The following IGF2R variants were observed in gnomAD, a reference collection of about 807,000 sequenced individuals.
IGF2R encodes the protein cation-independent mannose-6-phosphate receptor.
Under a neutral mutation model 270.6 loss-of-function variants are expected in IGF2R, and 91 were observed. The ratio of observed to expected loss-of-function variants is 0.34; its 90% CI spans 0.28 to 0.40. IGF2R has a LOEUF of 0.40. Ranked by LOEUF, IGF2R falls within the 10% of genes least tolerant of loss-of-function variation. The pLI is 1.00. For missense variants in IGF2R, 2,805 were observed against 3,188.3 expected (o/e 0.88, Z 2.90); for synonymous variants, 1,316 against 1,258.9 (o/e 1.05, Z -0.96).
chr6:159,980,413 T>C (rs1205053311), intron 1 of IGF2R, among the ~76,000 whole-genome samples: 1 of 152,132 alleles, frequency 6.6e-6, no homozygotes, highest in Non-Finnish European at 1.5e-5. Flanking sequence ...GCTTGGCCAC[T>C]TTGTGAATTT....
At chr6:160,043,078 C>A in intron 11 of IGF2R, 70 bp from the exon 12 acceptor site, 1 of 1,534,696 alleles carries the variant, frequency 6.5e-7, no homozygotes, top group Non-Finnish European at 8.9e-7. Context: ...TTGGCTTAAT[C>A]ACTATTTATT....
intron 6 of IGF2R, among the ~76,000 whole-genome samples, 186 bp downstream of exon 6, chr6:160,027,500 T>G (rs947254292): frequency 5.9e-5 from 9 of 152,270 alleles, no homozygotes; most frequent in Admixed American, 5.2e-4. Flanking sequence ...GCTTGTCTAC[T>G]TTTTAATCAT....
rs778575882 is a variant in IGF2R at position 160,047,745 on chromosome 6, G to A, written c.2230-47G>A. The stretch of plus-strand genomic sequence containing the variant: ...TTTTTGAATCCTGGTTTTATGTCAC[G>A]TGTCTTTCTCTTTTTGCCATCCCTC... On this transcript the variant is annotated intron_variant, in intron 16 of 47. Coordinates refer to ENST00000356956, the MANE Select transcript of IGF2R (RefSeq NM_000876.4). 2.9e-5 allele frequency: 33 copies of A among 1,139,020 alleles called. No individual in the cohort carries two copies. In the Middle Eastern group the frequency reaches 1.5e-3, roughly 53 times the overall value. 70.6% of individuals were successfully genotyped at this position (1,139,020 alleles called of 1,614,324 possible).
intron 1 of IGF2R, among the ~76,000 whole-genome samples, chr6:159,988,663 C>T (rs1399465114): frequency 4.6e-5 from 7 of 152,046 alleles, no homozygotes; most frequent in African/African-American, 1.7e-4. Flanking sequence ...TTTAATGATG[C>T]CACTGCCGCT....
At chr6:160,038,863 A>G (rs1399580102) in intron 10 of IGF2R, among the ~76,000 whole-genome samples, 1 of 151,788 alleles carries the variant, frequency 6.6e-6, no homozygotes, top group Admixed American at 6.6e-5. Context: ...AATAGAAAAA[A>G]CCCCACAGTA....
At chr6:160,031,290 T>C (rs1583269956) in intron 7 of IGF2R, among the ~76,000 whole-genome samples, 1 of 152,234 alleles carries the variant, frequency 6.6e-6, no homozygotes, top group African/African-American at 2.4e-5. Flanking sequence ...CACCTTGTCA[T>C]ATAGATCATT....
At position 160,043,253 on chromosome 6, in the gene IGF2R, G is replaced by A. The variant is rs6413489; in HGVS notation, c.1586G>A (p.Arg529Gln). The A allele has an allele frequency of 4.5e-5, 72 of 1,614,122 alleles. No individual in the cohort carries two copies. Among genetic ancestry groups the A allele is most frequent in the Admixed American group, 1.3e-4 (8 of 60,014 alleles). The stretch of plus-strand genomic sequence containing the variant: ...AGAGTGCTGCAGGAAGGCAAGGCAC[G>A]AGGGTGTCCCGAGGACGCGGCAGTG... Reference protein sequence around the residue: ...CHRVLQEGKARGCPEDAAVCA... With the variant: ...CHRVLQEGKAQGCPEDAAVCA... Residue 529 changes from arginine to glutamine, a missense_variant, in exon 12 of 48, where the codon CGA becomes CAA. This residue lies in a region of IGF2R where 954 missense variants were observed against 981.1 expected (regional missense o/e 0.97). Transcript: ENST00000356956.
At chr6:159,991,383 T>G (rs1198861377) in intron 2 of IGF2R, 60 bp downstream of exon 2, 1 of 1,501,118 alleles carries the variant, frequency 6.7e-7, no homozygotes, top group East Asian at 2.3e-5. Context: ...TTTGCAAAAA[T>G]GACTGTGTAT....
Position 160,084,118 on chromosome 6 carries a change from A to G in IGF2R, c.6002A>G (p.Lys2001Arg). Reference sequence around the variant, plus strand: ...GAGTGCAAATTCGTCCAGAAACACAAAACCTACGACCTGCGGCTGCTCTCC... The same window carrying G: ...GAGTGCAAATTCGTCCAGAAACACAGAACCTACGACCTGCGGCTGCTCTCC... ...KLECKFVQKH[K>R]TYDLRLLSSL... The change falls in exon 40 of 48, where the codon AAA becomes AGA. Residue 2001 changes from lysine (K) to arginine (R), a missense_variant. Lys to Arg is a conservative substitution (Grantham distance 26). Transcript: ENST00000356956. This position sits in a 1 kb window ranked among gnomAD's most constrained non-coding sequence, Gnocchi z 4.6. The G allele has an allele frequency of 6.2e-7, 1 of 1,614,160 alleles. No individual in the cohort carries two copies. Among genetic ancestry groups the G allele is most frequent in the East Asian group, 2.2e-5 (1 of 44,878 alleles).
In IGF2R at chr6:160,107,738, G is replaced by A. The variant is rs1429461352; in HGVS notation, c.*2654G>A. On this transcript the variant is annotated 3_prime_UTR_variant, in exon 48 of 48. Coordinates refer to ENST00000356956, the MANE Select transcript of IGF2R (RefSeq NM_000876.4). ...TCTGGTTCTTATGAACATTTTAAGA[G>A]CATCTGAAGCCTGTACTTCACCAAC... 1.3e-5 allele frequency: 2 copies of A among 152,318 alleles called. No homozygotes were observed. The highest frequency in any genetic ancestry group is 4.8e-5 in the African/African-American group (2 of 41,556). 9.4% of individuals were successfully genotyped at this position (152,318 alleles called of 1,614,324 possible).
Position 160,105,206 on chromosome 6 carries a change from G to A in IGF2R, c.*122G>A, listed in dbSNP as rs1425921549. The stretch of plus-strand genomic sequence containing the variant: ...TTTAACAGAAACTTTCAAAAGGGAA[G>A]AGTTTTTGTGATGGGGGAGAGGGTG... On this transcript the variant is annotated 3_prime_UTR_variant, in exon 48 of 48. Transcript: ENST00000356956. 3.7e-6 allele frequency: 3 copies of A among 810,978 alleles called. No individual in the cohort carries two copies. Among genetic ancestry groups the A allele is most frequent in the Non-Finnish European group, 5.7e-6 (3 of 523,286 alleles). 50.2% of individuals were successfully genotyped at this position (810,978 alleles called of 1,614,324 possible). A position where few individuals can be genotyped will look rare whatever the true frequency, so the allele number is the denominator to read the frequency against.
At position 160,020,809 on chromosome 6, in the gene IGF2R, G is replaced by A. The variant is rs554481682; in HGVS notation, c.514-3763G>A. Among the ~76,000 whole-genome samples the A allele has an allele frequency of 3.9e-5, 6 of 152,278 alleles. No homozygotes were observed. The East Asian group carries it at 9.6e-4, about 24-fold the overall frequency. ...AAAAATTAACTCAGGTCGGATTAGC[G>A]ACTTGAATGTAAGGCCTGCCTGAAA... On this transcript the variant is annotated intron_variant, in intron 4 of 47. Coordinates refer to ENST00000356956, the MANE Select transcript of IGF2R (RefSeq NM_000876.4).
chr6:160,030,955 C>T (rs1777682850), intron 7 of IGF2R, among the ~76,000 whole-genome samples: 1 of 152,130 alleles, frequency 6.6e-6, no homozygotes, highest in South Asian at 2.1e-4. Context: ...AATCCTCCCA[C>T]TTCAGCCTTC....
chr6:160,048,754 T>C (rs1778127656), intron 18 of IGF2R, among the ~76,000 whole-genome samples: 1 of 152,258 alleles, frequency 6.6e-6, no homozygotes, highest in Admixed American at 6.5e-5. Flanking sequence ...TGGAGAATGC[T>C]GTGTTGCAGA....
intron 9 of IGF2R, among the ~76,000 whole-genome samples, chr6:160,033,415 C>T (rs994251225): frequency 2.0e-5 from 3 of 152,218 alleles, no homozygotes; most frequent in Admixed American, 6.5e-5. Context: ...GGATTAGAGG[C>T]GTGTGCCTTG....
chr6:159,974,519 G>T (rs1313955431), intron 1 of IGF2R, among the ~76,000 whole-genome samples: 1 of 152,098 alleles, frequency 6.6e-6, no homozygotes, highest in Non-Finnish European at 1.5e-5. Context: ...ATCCTTTGAA[G>T]AACAGATTTA....
intron 29 of IGF2R, among the ~76,000 whole-genome samples, chr6:160,065,814 G>GTGTGTATATATATA: frequency 1.8e-3 from 140 of 78,296 alleles, no homozygotes; most frequent in Admixed American, 4.8e-3. Context: ...GTGTGTGTGT[G>GTGTGTATATATATA]TATATATATA....
chr6:160,032,872 G>A, intron 8 of IGF2R, 70 bp from the exon 9 acceptor site: 3 of 1,416,028 alleles, frequency 2.1e-6, no homozygotes, highest in South Asian at 2.6e-5. Context: ...GTTTGACTAA[G>A]TAAGACTGTA....
At chr6:160,010,860 A>C in intron 4 of IGF2R, 75 bp downstream of exon 4, 3 of 847,948 alleles carry the variant, frequency 3.5e-6, no homozygotes, top group Non-Finnish European at 5.8e-6. Flanking sequence ...ACTGATTCTA[A>C]CCTTTCCGGG....
Sources: gnomAD v4.1 joint callset for allele counts (sites outside exome capture counted in the v4.1 genomes callset) on GRCh38, gnomAD v4.1.1 for gene constraint, gnomAD v4.1.1 regional missense constraint, Gnocchi (gnomAD v3.1) non-coding constraint, MANE v1.5 for transcripts, NCBI Gene and HGNC (gene_info 2026-07-23, HGNC 2026-07-21) for gene names.